Variants in TRIM9 observed in about 807,000 individuals in gnomAD.
TRIM9 encodes E3 ubiquitin-protein ligase TRIM9.
In TRIM9, 26 loss-of-function variants were observed where a neutral mutation model predicts 78.3. That is an observed-to-expected ratio of 0.33 (90% CI 0.24 to 0.46). TRIM9 has a LOEUF of 0.46. TRIM9 is among the 20% of genes least tolerant of loss of function. The pLI, the probability that TRIM9 is intolerant of heterozygous loss-of-function variation, is 1.00. For synonymous variants in TRIM9, 398 were observed against 416.5 expected, an observed-to-expected ratio of 0.96 and a Z score of 0.54; for missense variants, 787 against 1,036.4, an observed-to-expected ratio of 0.76 and a Z score of 3.30.
chr14:51,024,568 T>C (rs1227812218), intron 2 of TRIM9, among the ~76,000 whole-genome samples: 3 of 152,248 alleles, frequency 2.0e-5, no homozygotes, highest in Non-Finnish European at 2.9e-5. Context: ...TATTTTACTG[T>C]CTTATACAGT....
intron 1 of TRIM9, among the ~76,000 whole-genome samples, chr14:51,084,290 T>C (rs953092500): frequency 6.6e-6 from 1 of 152,190 alleles, no homozygotes; most frequent in Non-Finnish European, 1.5e-5. Context: ...AGTCTGGAAA[T>C]TCAGTGTTCA....
chr14:51,083,307 AT>A (rs1366723697), intron 1 of TRIM9, among the ~76,000 whole-genome samples: 1 of 152,154 alleles, frequency 6.6e-6, no homozygotes, highest in Non-Finnish European at 1.5e-5. Flanking sequence ...GGCTGCATGC[AT>A]TGGTGTAATC....
intron 7 of TRIM9, among the ~76,000 whole-genome samples, chr14:50,992,381 C>T (rs923033349): frequency 5.3e-5 from 8 of 151,434 alleles, no homozygotes; most frequent in African/African-American, 1.5e-4. Flanking sequence ...AGTTTGAGAC[C>T]GGGCTGGGCA....
intron 3 of TRIM9, among the ~76,000 whole-genome samples, chr14:51,022,054 ATCC>A (rs1207263745): frequency 1.3e-5 from 2 of 152,150 alleles, no homozygotes; most frequent in African/African-American, 4.8e-5. Flanking sequence ...AGTACTCACC[ATCC>A]TCTTTTCCTA....
intron 12 of TRIM9, chr14:50,979,025 A>G: frequency 7.9e-7 from 1 of 1,263,056 alleles, no homozygotes; most frequent in Non-Finnish European, 1.0e-6. Flanking sequence ...ACCTCTTCTC[A>G]GGCACTCCTG....
chr14:51,040,296 G>T (rs140616044), intron 1 of TRIM9, among the ~76,000 whole-genome samples: 168 of 152,200 alleles, frequency 1.1e-3, no homozygotes, highest in African/African-American at 3.6e-3. Context: ...TGATGCTGGT[G>T]CCCCTCACTC....
At chr14:51,063,359 T>C (rs1401474900) in intron 1 of TRIM9, among the ~76,000 whole-genome samples, 2 of 152,012 alleles carry the variant, frequency 1.3e-5, no homozygotes, top group Non-Finnish European at 2.9e-5. Flanking sequence ...AAATAACTAA[T>C]CAGCCTAATA....
intron 5 of TRIM9, among the ~76,000 whole-genome samples, chr14:51,002,075 A>T (rs1284237863): frequency 6.6e-6 from 1 of 152,060 alleles, no homozygotes; most frequent in Admixed American, 6.6e-5. Context: ...TCACATATAA[A>T]CTTAATATAT....
intron 1 of TRIM9, among the ~76,000 whole-genome samples, chr14:51,084,526 A>G (rs2063583048): frequency 6.6e-6 from 1 of 152,212 alleles, no homozygotes; most frequent in African/African-American, 2.4e-5. Context: ...TCTTGGCTAG[A>G]TGACTGATGG....
At position 51,094,507 on chromosome 14, in the gene TRIM9, A is replaced by G; in HGVS notation, c.433T>C (p.Phe145Leu). The G allele has an allele frequency of 1.9e-6, 3 of 1,613,620 alleles. No homozygotes were observed. Among genetic ancestry groups the G allele is most frequent in the Non-Finnish European group, 2.5e-6 (3 of 1,179,932 alleles). The change falls in exon 1 of 13, where the codon TTC becomes CTC. Residue 145 changes from phenylalanine (F) to leucine (L), a missense_variant. Physicochemically the swap from Phe to Leu is conservative, Grantham distance 22. This residue lies in a region of TRIM9 where 352 missense variants were observed against 472.3 expected (regional missense o/e 0.75). Coordinates refer to ENST00000684578, the MANE Select transcript of TRIM9 (RefSeq NM_001387360.1). ...LILDDRGLRGFPKNRVLEGVI... is the reference protein window; with the variant it reads ...LILDDRGLRGLPKNRVLEGVI... ...CCTTCCAGTACGCGATTCTTGGGGAAGCCGCGGAGCCCCCGGTCATCCAGG... is the reference window on the plus strand; with the variant it reads ...CCTTCCAGTACGCGATTCTTGGGGAGGCCGCGGAGCCCCCGGTCATCCAGG...
At chr14:51,000,092 T>C (rs1457393067) in intron 6 of TRIM9, among the ~76,000 whole-genome samples, 1 of 152,134 alleles carries the variant, frequency 6.6e-6, no homozygotes, top group African/African-American at 2.4e-5. Context: ...GCTAGAAAGG[T>C]TGCTTAGAAT....
At chr14:50,989,759 C>T (rs1027643299) in intron 7 of TRIM9, among the ~76,000 whole-genome samples, 5 of 152,132 alleles carry the variant, frequency 3.3e-5, no homozygotes, top group African/African-American at 9.7e-5. Context: ...GTGTTCGTAA[C>T]GAATACGTAT....
At chr14:51,042,541 G>GT (rs1369310950) in intron 1 of TRIM9, among the ~76,000 whole-genome samples, 1 of 152,190 alleles carries the variant, frequency 6.6e-6, no homozygotes, top group Non-Finnish European at 1.5e-5. Context: ...TTTCATTAAT[G>GT]TTGAGAAGAG....
At chr14:50,988,969 T>G (rs2053124378) in intron 7 of TRIM9, among the ~76,000 whole-genome samples, 1 of 152,228 alleles carries the variant, frequency 6.6e-6, no homozygotes. Flanking sequence ...CTCCCTCTAG[T>G]TGGCAGTTAT....
intron 6 of TRIM9, 82 bp from the exon 7 acceptor site, chr14:50,998,270 G>A: frequency 7.5e-7 from 1 of 1,337,734 alleles, no homozygotes; most frequent in Non-Finnish European, 1.0e-6. Flanking sequence ...CAGTGGTTAG[G>A]AGCAAGAGCC....
chr14:51,063,245 G>A (rs1429516854), intron 1 of TRIM9, among the ~76,000 whole-genome samples: 2 of 152,110 alleles, frequency 1.3e-5, no homozygotes, highest in Non-Finnish European at 2.9e-5. Context: ...CAATATACTG[G>A]AGTAGGCGGA....
rs112158215 is a variant in TRIM9 at position 51,026,695 on chromosome 14, C to T, written c.823-1335G>A. 4.6e-3 allele frequency among the ~76,000 whole-genome samples: 704 copies of T among 152,246 alleles called. 8 individuals carry two copies. Among genetic ancestry groups the T allele is most frequent in the African/African-American group, 0.016 (665 of 41,536 alleles). On this transcript the variant is annotated intron_variant, in intron 1 of 12. Transcript: ENST00000684578. ...TTAAATACAAAGTTGGGCACTGACT[C>T]TCTAAAAATATGCACACCAAATGCT...
chr14:50,988,461 G>A (rs964786488), intron 7 of TRIM9: 1 of 152,054 alleles, frequency 6.6e-6, no homozygotes, highest in African/African-American at 2.4e-5. Flanking sequence ...AGATGGTTAT[G>A]GCTCTTCCTA....
At chr14:51,084,225 G>A (rs2063559848) in intron 1 of TRIM9, among the ~76,000 whole-genome samples, 4 of 152,040 alleles carry the variant, frequency 2.6e-5, no homozygotes, top group Admixed American at 2.0e-4. Context: ...CCATGTCCTA[G>A]TTCAGGTGTA....
Sources: allele counts gnomAD v4.1 joint callset (sites outside exome capture counted in the v4.1 genomes callset), GRCh38; gene constraint gnomAD v4.1.1; regional missense constraint gnomAD v4.1.1; transcripts MANE v1.5; gene names NCBI Gene and HGNC (gene_info 2026-07-23, HGNC 2026-07-21).